The following DAGLA variants were observed in gnomAD, a reference collection of about 807,000 sequenced individuals.
The protein encoded by DAGLA is diacylglycerol lipase alpha, also known as diacylglycerol lipase-alpha.
A neutral mutation model predicts 102.6 loss-of-function variants in DAGLA; 22 were observed. That is an observed-to-expected ratio of 0.21 (90% confidence interval 0.15 to 0.31). The LOEUF is 0.31. Ranked by LOEUF, DAGLA falls within the 10% of genes least tolerant of loss-of-function variation. DAGLA has a pLI of 1.00. For synonymous variants in DAGLA, 578 were observed against 628.9 expected, an observed-to-expected ratio of 0.92 and a Z score of 1.21; for missense variants, 927 against 1,446.6, an observed-to-expected ratio of 0.64 and a Z score of 5.83.
chr11:61,743,321 C>T (rs1378182233), intron 19 of DAGLA, among the ~76,000 whole-genome samples: 1 of 150,976 alleles, frequency 6.6e-6, no homozygotes, highest in Non-Finnish European at 1.5e-5. Context: ...CAAGATCGTG[C>T]CACTGCACTC....
intron 10 of DAGLA, 124 bp from the exon 11 acceptor site, chr11:61,735,437 G>A: frequency 2.4e-6 from 2 of 822,320 alleles, no homozygotes; most frequent in Non-Finnish European, 3.9e-6. Flanking sequence ...AGCCTTTCTG[G>A]CGGCAGAGGC....
intron 1 of DAGLA, among the ~76,000 whole-genome samples, chr11:61,711,391 C>T (rs1437377737): frequency 3.3e-5 from 5 of 152,212 alleles, no homozygotes; most frequent in African/African-American, 4.8e-5. Flanking sequence ...AGGAAGAATC[C>T]AGAAGCCAGA....
chr11:61,698,182 A>C (rs117475955), intron 1 of DAGLA, among the ~76,000 whole-genome samples: 1 of 152,352 alleles, frequency 6.6e-6, no homozygotes, highest in Non-Finnish European at 1.5e-5. Context: ...AGTCTGCTCA[A>C]GAATCAGAAG....
Position 61,717,177 on chromosome 11 carries a change from C to T in DAGLA, c.-44-2935C>T, listed in dbSNP as rs201825298. On this transcript the variant is annotated intron_variant, in intron 1 of 19. Coordinates refer to ENST00000257215, the MANE Select transcript of DAGLA (RefSeq NM_006133.3). ...ACCAGGAAGTAGCCTCTGCCCTCCC[C>T]GCTCCTGAGACATTTCCTCCAGATG... is the stretch of plus-strand genomic sequence containing the variant. Among the ~76,000 whole-genome samples the T allele has an allele frequency of 2.6e-4, 40 of 152,282 alleles. No homozygotes were observed. The East Asian group carries it at 5.8e-3, about 22-fold the overall frequency.
At chr11:61,703,128 G>C (rs771758786) in intron 1 of DAGLA, among the ~76,000 whole-genome samples, 1 of 152,140 alleles carries the variant, frequency 6.6e-6, no homozygotes, top group Admixed American at 6.5e-5. Flanking sequence ...GCCGTGCTCC[G>C]AAATGGTTTC....
intron 1 of DAGLA, among the ~76,000 whole-genome samples, chr11:61,708,166 C>T (rs2065165319): frequency 6.6e-6 from 1 of 152,098 alleles, no homozygotes; most frequent in South Asian, 2.1e-4. Context: ...CCCCACCATG[C>T]CTGGCTAATT....
rs762293971 is a variant in DAGLA at position 61,728,994 on chromosome 11, G to A, written c.835G>A (p.Asp279Asn). 5.6e-6 allele frequency: 9 copies of A among 1,613,902 alleles called. No homozygotes were observed. Among genetic ancestry groups the A allele is most frequent in the Middle Eastern group, 1.6e-4 (1 of 6,084 alleles). ...GGTGACCAGAAACACCAAGTACCTC[G>A]ACCTCAAGAATTCAGTGAGTCAGAC... The part of the protein sequence containing the change: ...MPVTRNTKYL[D>N]LKNSQEMLRY... Residue 279 changes from aspartate to asparagine, a missense_variant, in exon 8 of 20, where the codon GAC becomes AAC. This residue lies in a region of DAGLA where 231 missense variants were observed against 439.8 expected (regional missense o/e 0.53). Coordinates refer to ENST00000257215, the MANE Select transcript of DAGLA (RefSeq NM_006133.3).
At chr11:61,738,327 T>C (rs2065443931) in intron 16 of DAGLA, 120 bp downstream of exon 16, 4 of 788,766 alleles carry the variant, frequency 5.1e-6, no homozygotes, top group Non-Finnish European at 8.1e-6. Flanking sequence ...GGGCAGGGTG[T>C]GGCTGGTGTT....
intron 1 of DAGLA, among the ~76,000 whole-genome samples, chr11:61,710,013 A>G (rs2135569826): frequency 2.6e-5 from 4 of 152,262 alleles, no homozygotes; most frequent in African/African-American, 9.6e-5. Flanking sequence ...GGCTCAGGGT[A>G]GGCTGGGCAA....
At chr11:61,696,297 C>T (rs60507107) in intron 1 of DAGLA, among the ~76,000 whole-genome samples, 25,344 of 152,144 alleles carry the variant, frequency 0.17, 2,334 homozygotes, top group East Asian at 0.27. Flanking sequence ...ATAGTGACAG[C>T]GATTCCCATG....
intron 1 of DAGLA, among the ~76,000 whole-genome samples, chr11:61,695,810 C>T (rs117280422): frequency 6.6e-6 from 1 of 152,148 alleles, no homozygotes; most frequent in Non-Finnish European, 1.5e-5. Flanking sequence ...AGAGCAGTGG[C>T]CTTGCCTGGA....
intron 11 of DAGLA, 32 bp downstream of exon 11, chr11:61,735,676 G>C: frequency 6.2e-7 from 1 of 1,612,986 alleles, no homozygotes; most frequent in Non-Finnish European, 8.5e-7. Context: ...GCCCCCGGGG[G>C]TGCCTGCCTC....
intron 19 of DAGLA, among the ~76,000 whole-genome samples, chr11:61,742,237 C>T (rs1298883497): frequency 6.6e-6 from 1 of 152,200 alleles, no homozygotes; most frequent in Non-Finnish European, 1.5e-5. Flanking sequence ...CACATGCTCA[C>T]AGGGGCACGC....
intron 9 of DAGLA, 152 bp downstream of exon 9, chr11:61,731,593 C>A: frequency 8.8e-7 from 1 of 1,136,568 alleles, no homozygotes; most frequent in Non-Finnish European, 1.2e-6. Context: ...CTGTGTTATC[C>A]CTGAGCAGTG....
chr11:61,696,018 G>A (rs1381074626), intron 1 of DAGLA, among the ~76,000 whole-genome samples: 1 of 152,270 alleles, frequency 6.6e-6, no homozygotes, highest in Non-Finnish European at 1.5e-5. Context: ...AAAGACGGCA[G>A]CCTGCGGAGG....
intron 1 of DAGLA, among the ~76,000 whole-genome samples, chr11:61,700,835 T>C (rs1410689860): frequency 6.6e-6 from 1 of 152,096 alleles, no homozygotes; most frequent in Admixed American, 6.5e-5. Context: ...AATAGCCCGA[T>C]CCTCAGGCCT....
chr11:61,697,161 T>C (rs2065073768), intron 1 of DAGLA, among the ~76,000 whole-genome samples: 1 of 152,152 alleles, frequency 6.6e-6, no homozygotes, highest in Middle Eastern at 3.2e-3. Flanking sequence ...CCCAGTGCCA[T>C]GGACAGCTCC....
In DAGLA at chr11:61,680,436, G is replaced by C. The variant is rs1026599877; in HGVS notation, c.-113G>C. On this transcript the variant is annotated 5_prime_UTR_variant, in exon 1 of 20. Transcript: ENST00000257215. ...CCTGCGGAAGCGGCGTTAGTGAATC[G>C]GGGCCTTGGGGAGCCCAGGATGGAG... 3 of 152,068 alleles carry C rather than the reference G, an allele frequency of 2.0e-5. No homozygotes were observed. The highest frequency in any genetic ancestry group is 6.6e-5 in the Admixed American group (1 of 15,222). 9.4% of individuals were successfully genotyped at this position (152,068 alleles called of 1,614,324 possible). A position where few individuals can be genotyped will look rare whatever the true frequency, so the allele number is the denominator to read the frequency against.
chr11:61,709,831 G>T (rs893331466), intron 1 of DAGLA, among the ~76,000 whole-genome samples: 10 of 152,148 alleles, frequency 6.6e-5, no homozygotes, highest in African/African-American at 2.4e-4. Context: ...AGATGCCCGG[G>T]GTACAGTCGA....
Sources: allele counts gnomAD v4.1 joint callset (sites outside exome capture counted in the v4.1 genomes callset), GRCh38; gene constraint gnomAD v4.1.1; regional missense constraint gnomAD v4.1.1; transcripts MANE v1.5; gene names NCBI Gene and HGNC (gene_info 2026-07-23, HGNC 2026-07-21).